Variants in ABTB3 observed in about 807,000 individuals in gnomAD.
The protein encoded by ABTB3 is ankyrin repeat and BTB domain containing 3.
the ABTB3 span, among the ~76,000 whole-genome samples, chr12:107,345,581 T>C: frequency 3.0e-4 from 45 of 152,242 alleles, no homozygotes; most frequent in African/African-American, 9.9e-4. Context: ...GCTGACTGGC[T>C]TGGGCCAGAT....
chr12:107,597,407 GGTGAGA>G, the ABTB3 span, among the ~76,000 whole-genome samples: 1 of 152,168 alleles, frequency 6.6e-6, no homozygotes, highest in Non-Finnish European at 1.5e-5. Context: ...ACCAGCATCT[GGTGAGA>G]GTCATCCCAC....
At chr12:107,385,412 A>G in the ABTB3 span, among the ~76,000 whole-genome samples, 3 of 152,252 alleles carry the variant, frequency 2.0e-5, no homozygotes, top group South Asian at 2.1e-4. Flanking sequence ...CTGCTGACTT[A>G]CACACATTTG....
chr12:107,495,451 C>T, the ABTB3 span, among the ~76,000 whole-genome samples: 4 of 152,190 alleles, frequency 2.6e-5, no homozygotes, highest in South Asian at 6.2e-4. Flanking sequence ...AGAGGGGGCT[C>T]CTAGCTGCCA....
chr12:107,388,595 CCT>C, the ABTB3 span, among the ~76,000 whole-genome samples: 3 of 150,472 alleles, frequency 2.0e-5, no homozygotes, highest in Non-Finnish European at 3.0e-5. Flanking sequence ...CTTCCCTCTT[CCT>C]CTCTCTCTCT....
chr12:107,333,017 A>G, the ABTB3 span, among the ~76,000 whole-genome samples: 2 of 152,234 alleles, frequency 1.3e-5, no homozygotes, highest in Non-Finnish European at 2.9e-5. Flanking sequence ...AGCTGCATTT[A>G]GTGACCTCAC....
the ABTB3 span, among the ~76,000 whole-genome samples, chr12:107,431,747 C>T: frequency 6.6e-6 from 1 of 152,192 alleles, no homozygotes; most frequent in Non-Finnish European, 1.5e-5. Flanking sequence ...GGTAAATGTA[C>T]CTAATAGCAG....
At chr12:107,517,573 AG>A in the ABTB3 span, among the ~76,000 whole-genome samples, 1 of 152,144 alleles carries the variant, frequency 6.6e-6, no homozygotes, top group Non-Finnish European at 1.5e-5. Flanking sequence ...CTCCTTGAAG[AG>A]GTCCTTCACA....
the ABTB3 span, among the ~76,000 whole-genome samples, chr12:107,406,852 A>G: frequency 2.6e-5 from 4 of 151,998 alleles, no homozygotes; most frequent in East Asian, 7.7e-4. Flanking sequence ...CCTGGTTGTG[A>G]CTCACTGGTG....
the ABTB3 span, among the ~76,000 whole-genome samples, chr12:107,421,193 T>C: frequency 3.9e-5 from 6 of 152,358 alleles, no homozygotes; most frequent in East Asian, 1.2e-3. Context: ...ATTAGCCTCA[T>C]ACATGGATTG....
At chr12:107,649,018 G>C in the ABTB3 span, among the ~76,000 whole-genome samples, 1 of 152,108 alleles carries the variant, frequency 6.6e-6, no homozygotes, top group Non-Finnish European at 1.5e-5. Flanking sequence ...TGATGAAACT[G>C]TTCAAAATGG....
chr12:107,445,044 C>A, the ABTB3 span, among the ~76,000 whole-genome samples: 7 of 152,220 alleles, frequency 4.6e-5, no homozygotes, highest in African/African-American at 1.7e-4. Context: ...TGCCTCTGAT[C>A]GTGGCTCTCC....
the ABTB3 span, among the ~76,000 whole-genome samples, chr12:107,389,390 G>T: frequency 6.6e-6 from 1 of 152,042 alleles, no homozygotes; most frequent in African/African-American, 2.4e-5. Context: ...GAAAACTGAG[G>T]TATAAGCCGC....
the ABTB3 span, among the ~76,000 whole-genome samples, chr12:107,656,064 G>C: frequency 6.6e-6 from 1 of 150,476 alleles, no homozygotes; most frequent in African/African-American, 2.4e-5. Context: ...GAGGTGGGAG[G>C]ATCACTTGAA....
chr12:107,484,337 G>A, the ABTB3 span, among the ~76,000 whole-genome samples: 3 of 152,246 alleles, frequency 2.0e-5, no homozygotes, highest in Non-Finnish European at 4.4e-5. Context: ...GAGTGAGCCT[G>A]TGGTGTCTGG....
the ABTB3 span, among the ~76,000 whole-genome samples, chr12:107,580,010 T>A: frequency 6.6e-6 from 1 of 152,158 alleles, no homozygotes; most frequent in African/African-American, 2.4e-5. Context: ...CATGATGACT[T>A]TAGAGCAGAG....
chr12:107,365,537 C>T, the ABTB3 span, among the ~76,000 whole-genome samples: 3 of 152,142 alleles, frequency 2.0e-5, no homozygotes, highest in Admixed American at 1.3e-4. Context: ...TTCCCTGCCT[C>T]CCAAGTTGTG....
chr12:107,319,319 G>A, the ABTB3 span: 9 of 1,546,014 alleles, frequency 5.8e-6, no homozygotes, highest in East Asian at 2.2e-4. Context: ...CCTGCCCAAG[G>A]ACGCGCTGGC....
the ABTB3 span, among the ~76,000 whole-genome samples, chr12:107,470,018 C>CTCTCTCTCTCTCTCTCTTTCTT: frequency 1.7e-5 from 2 of 115,654 alleles, no homozygotes; most frequent in African/African-American, 3.3e-5. Context: ...CTTTCTCTCT[C>CTCTCTCTCTCTCTCTCTTTCTT]TCTCTCTCTC....
chr12:107,393,805 CTG>C, the ABTB3 span, among the ~76,000 whole-genome samples: 7 of 152,240 alleles, frequency 4.6e-5, no homozygotes, highest in Admixed American at 4.6e-4. Flanking sequence ...TGGCAGGCGC[CTG>C]TAGTCCCAGC....
Sources: gnomAD v4.1 joint callset for allele counts (sites outside exome capture counted in the v4.1 genomes callset) on GRCh38, gnomAD v4.1.1 for gene constraint, MANE v1.5 for transcripts, NCBI Gene and HGNC (gene_info 2026-07-23, HGNC 2026-07-21) for gene names.